Variants in PLSCR2 observed in about 807,000 individuals in gnomAD.
PLSCR2 encodes PL scramblase 2.
Under a neutral mutation model 25.3 loss-of-function variants are expected in PLSCR2, and 18 were observed. The observed-to-expected ratio is 0.71, with a 90% CI of 0.49 to 1.06. PLSCR2 has a LOEUF of 1.06. Ranked by LOEUF, PLSCR2 falls within the 50% of genes least tolerant of loss-of-function variation. PLSCR2 has a pLI of 0.00. For synonymous variants in PLSCR2, 88 were observed against 87.3 expected (o/e 1.01, Z -0.04); for missense variants, 243 against 269.5 (o/e 0.90, Z 0.69).
chr3:146,416,249 CA>C (rs1225973014), intron 2 of PLSCR2, among the ~76,000 whole-genome samples: 2 of 151,716 alleles, frequency 1.3e-5, no homozygotes, highest in African/African-American at 4.8e-5. Flanking sequence ...TGCATCTGGC[CA>C]AAAGTAGGCA....
rs1576641320 is a variant in PLSCR2 at position 146,444,690 on chromosome 3, GT to G, written c.646-2870del. ...GAGGGCAACAGGTAGGTTGCGTCTT[GT>G]TTGTTTTTTTCCATGCAATCATTCT... On this transcript the variant is annotated intron_variant, in intron 6 of 6. Transcript: ENST00000610787. Among the ~76,000 whole-genome samples the G allele has an allele frequency of 4.0e-5, 6 of 151,784 alleles. No individual in the cohort carries two copies. The East Asian group carries it at 1.2e-3, about 29-fold the overall frequency.
chr3:146,436,753 G>T (rs1300695173), intron 8 of PLSCR2, among the ~76,000 whole-genome samples: 2 of 152,006 alleles, frequency 1.3e-5, no homozygotes, highest in Non-Finnish European at 2.9e-5. Flanking sequence ...TTTCCTAATG[G>T]AATACTCTTT....
chr3:146,468,550 T>G (rs1449268809), intron 1 of PLSCR2, among the ~76,000 whole-genome samples: 2 of 152,168 alleles, frequency 1.3e-5, no homozygotes, highest in East Asian at 3.9e-4. Context: ...TAATAAACGC[T>G]AACTTTCACT....
intron 1 of PLSCR2, among the ~76,000 whole-genome samples, chr3:146,475,083 C>T (rs920553516): frequency 6.6e-6 from 1 of 152,038 alleles, no homozygotes; most frequent in African/African-American, 2.4e-5. Context: ...TGGGTTAGAA[C>T]ATGCTCCTTT....
intron 5 of PLSCR2, among the ~76,000 whole-genome samples, chr3:146,450,147 G>A (rs947924849): frequency 2.0e-5 from 3 of 152,238 alleles, no homozygotes; most frequent in East Asian, 1.9e-4. Flanking sequence ...AGGTAGTGGC[G>A]GAATATAACT....
At chr3:146,455,709 T>C (rs913792793) in intron 3 of PLSCR2, among the ~76,000 whole-genome samples, 2 of 152,184 alleles carry the variant, frequency 1.3e-5, no homozygotes, top group Non-Finnish European at 2.9e-5. Flanking sequence ...CCTAATCCCA[T>C]AGGCTCCTGT....
chr3:146,398,203 T>C (rs1451270144), intron 2 of PLSCR2, among the ~76,000 whole-genome samples: 1 of 151,928 alleles, frequency 6.6e-6, no homozygotes, highest in Non-Finnish European at 1.5e-5. Flanking sequence ...TAGTAGCTAA[T>C]TTCCCAAATT....
In PLSCR2 at chr3:146,482,107, C is replaced by T. The variant is rs186111520; in HGVS notation, c.-293+13788G>A. Among the ~76,000 whole-genome samples the T allele has an allele frequency of 2.0e-3, 299 of 152,128 alleles. 1 individual carries two copies. The highest frequency in any genetic ancestry group is 7.0e-3 in the African/African-American group (289 of 41,522). On this transcript the variant is annotated intron_variant, in intron 1 of 8. Coordinates refer to the PLSCR2 transcript ENST00000336685. ...TGGAATAATGACTTAAATTTTAGACCTAAACCATAAAAACCCTAGGAGAAA... is the reference window on the plus strand; with the variant it reads ...TGGAATAATGACTTAAATTTTAGACTTAAACCATAAAAACCCTAGGAGAAA...
At chr3:146,409,309 G>A (rs1307328826) in intron 2 of PLSCR2, among the ~76,000 whole-genome samples, 3 of 152,196 alleles carry the variant, frequency 2.0e-5, no homozygotes, top group African/African-American at 7.2e-5. Context: ...GACCCTAAGG[G>A]AACAGGCTGG....
intron 2 of PLSCR2, among the ~76,000 whole-genome samples, chr3:146,396,397 A>C (rs1017255332): frequency 7.9e-5 from 12 of 152,166 alleles, no homozygotes; most frequent in African/African-American, 2.9e-4. Context: ...CTTCAGAATA[A>C]GAGATACTCA....
At chr3:146,443,483 C>T (rs780421032) in intron 6 of PLSCR2, among the ~76,000 whole-genome samples, 30 of 151,844 alleles carry the variant, frequency 2.0e-4, no homozygotes, top group Admixed American at 5.3e-4. Context: ...ATGGTTCAGT[C>T]TCGGTAGACA....
chr3:146,457,588 A>G (rs4572737), intron 3 of PLSCR2, among the ~76,000 whole-genome samples: 89,627 of 152,066 alleles, frequency 0.59, 26,701 homozygotes, highest in South Asian at 0.76. Flanking sequence ...GGGTTCATCC[A>G]AACTCCCAAG....
At chr3:146,460,069 T>A (rs768297391) in exon 2 of PLSCR2, 2 of 1,552,752 alleles carry the variant, frequency 1.3e-6, no homozygotes. Context: ...GGGTAGACAA[T>A]ATGTCCGGGA....
At chr3:146,427,194 A>G (rs560980677) in intron 2 of PLSCR2, among the ~76,000 whole-genome samples, 2 of 152,324 alleles carry the variant, frequency 1.3e-5, no homozygotes, top group South Asian at 4.1e-4. Context: ...TAATTCAACA[A>G]TTTTAGGCCA....
chr3:146,424,248 G>C (rs1032230982), intron 2 of PLSCR2, among the ~76,000 whole-genome samples: 10 of 151,954 alleles, frequency 6.6e-5, no homozygotes, highest in Middle Eastern at 3.4e-3. Flanking sequence ...CTTGGTGCTT[G>C]TGCCCAGAAA....
Position 146,493,150 on chromosome 3 carries a change from C to T in PLSCR2, c.-293+2745G>A, listed in dbSNP as rs2043611685. Among the ~76,000 whole-genome samples, 4 of 151,998 alleles carry T rather than the reference C, an allele frequency of 2.6e-5. No homozygotes were observed. The South Asian group carries it at 8.3e-4, about 32-fold the overall frequency. ...AACAGACCAAAAACAAGATCCAAAA[C>T]TGAATGAGTAATAAAAAACCTACCA... On this transcript the variant is annotated intron_variant, in intron 1 of 8. Transcript: ENST00000336685.
chr3:146,471,520 G>A (rs2042118065), intron 1 of PLSCR2, among the ~76,000 whole-genome samples: 1 of 147,278 alleles, frequency 6.8e-6, no homozygotes. Flanking sequence ...TTGCTGATTT[G>A]TTAGTGGTCT....
At chr3:146,476,453 T>A (rs571226854) in intron 1 of PLSCR2, among the ~76,000 whole-genome samples, 4 of 152,332 alleles carry the variant, frequency 2.6e-5, no homozygotes, top group African/African-American at 9.6e-5. Flanking sequence ...ACCGCAGAGC[T>A]GCATAGATTC....
chr3:146,397,978 A>T (rs2038329835), intron 2 of PLSCR2, among the ~76,000 whole-genome samples: 1 of 152,060 alleles, frequency 6.6e-6, no homozygotes. Context: ...AAGGAAAATC[A>T]GGTAGTATTT....
Sources: gnomAD v4.1 joint callset for allele counts (sites outside exome capture counted in the v4.1 genomes callset) on GRCh38, gnomAD v4.1.1 for gene constraint, MANE v1.5 for transcripts, NCBI Gene and HGNC (gene_info 2026-07-23, HGNC 2026-07-21) for gene names.